The following ABHD12 variants were observed in gnomAD, a reference collection of about 807,000 sequenced individuals.
The protein encoded by ABHD12 is lysophosphatidylserine lipase ABHD12.
ABHD12 carries 43 observed loss-of-function variants against 58.3 expected under a neutral mutation model. That is an observed-to-expected ratio of 0.74 (90% CI 0.58 to 0.95). The LOEUF is 0.95. Among genes scored for constraint, ABHD12 ranks in the 40% least tolerant of loss-of-function variants. The probability of loss-of-function intolerance (pLI) is 0.00; values close to 1 mark genes in which losing one functional copy is unlikely to be tolerated. For synonymous variants in ABHD12, 219 were observed against 211.2 expected, an observed-to-expected ratio of 1.04 and a Z score of -0.32; for missense variants, 539 against 537.2, an observed-to-expected ratio of 1.00 and a Z score of -0.03.
rs11905092 is a variant in ABHD12 at position 25,370,815 on chromosome 20, T to C, written c.191+19698A>G. On this transcript the variant is annotated intron_variant, in intron 1 of 12. Transcript: ENST00000339157. ...TCTGGTACACAGTTCTCAATCAATG[T>C]TATTTTTATTAATTCTTCTTGTGCC... is the stretch of plus-strand genomic sequence containing the variant. Among the ~76,000 whole-genome samples, 906 of 152,138 alleles carry C rather than the reference T, an allele frequency of 6.0e-3. 10 individuals are homozygous for C. Among genetic ancestry groups the C allele is most frequent in the African/African-American group, 0.021 (867 of 41,512 alleles).
intron 1 of ABHD12, chr20:25,339,824 C>T: frequency 8.6e-7 from 1 of 1,160,438 alleles, no homozygotes. Flanking sequence ...ACAGAACCTG[C>T]CTGACCAGGT....
intron 1 of ABHD12, among the ~76,000 whole-genome samples, chr20:25,351,652 C>T (rs1310599610): frequency 1.3e-5 from 2 of 152,114 alleles, no homozygotes; most frequent in Non-Finnish European, 1.5e-5. Context: ...CACGGTGGTT[C>T]GCCTATAATC....
intron 7 of ABHD12, 115 bp downstream of exon 7, chr20:25,309,331 C>G: frequency 1.3e-6 from 2 of 1,498,798 alleles, no homozygotes; most frequent in South Asian, 1.2e-5. Context: ...CGAGGCTGGT[C>G]GGGACTAATG....
At chr20:25,344,970 C>T (rs2089499423) in intron 1 of ABHD12, among the ~76,000 whole-genome samples, 1 of 152,086 alleles carries the variant, frequency 6.6e-6, no homozygotes, top group African/African-American at 2.4e-5. Context: ...ACCTGATACC[C>T]TTCACAAAAA....
At chr20:25,355,924 T>C (rs548117650) in intron 1 of ABHD12, among the ~76,000 whole-genome samples, 1 of 152,232 alleles carries the variant, frequency 6.6e-6, no homozygotes, top group Non-Finnish European at 1.5e-5. Flanking sequence ...TCATTTATAT[T>C]TCAGGAGGCT....
At chr20:25,323,655 G>T (rs2089122254) in intron 2 of ABHD12, among the ~76,000 whole-genome samples, 1 of 152,224 alleles carries the variant, frequency 6.6e-6, no homozygotes, top group African/African-American at 2.4e-5. Flanking sequence ...CTCAGGCAGG[G>T]TATGGGCTGA....
rs1180061877 is a variant in ABHD12 at position 25,309,655 on chromosome 20, C to T, written c.620-80G>A. On this transcript the variant is annotated intron_variant, in intron 6 of 12. Transcript: ENST00000339157. Reference sequence around the variant, plus strand: ...ACAAACACACCTCCCCAAGGGGGCCCAGGGCCAGGAGGAGACAGGGAGGGG... The same window carrying T: ...ACAAACACACCTCCCCAAGGGGGCCTAGGGCCAGGAGGAGACAGGGAGGGG... 1.9e-6 allele frequency: 3 copies of T among 1,595,718 alleles called. No homozygotes were observed. The Admixed American group carries it at 5.0e-5, about 27-fold the overall frequency.
intron 1 of ABHD12, among the ~76,000 whole-genome samples, chr20:25,351,009 A>ACC (rs1555819702): frequency 1.8e-4 from 23 of 130,546 alleles, no homozygotes; most frequent in East Asian, 1.1e-3. Context: ...ACACACACAC[A>ACC]CCCTTATTAA....
At chr20:25,339,642 G>A (rs1447061391) in intron 1 of ABHD12, 1 of 1,410,306 alleles carries the variant, frequency 7.1e-7, no homozygotes, top group African/African-American at 1.4e-5. Context: ...GAATACAGCA[G>A]AGAAAGCAGA....
At chr20:25,314,656 G>A (rs1483195195) in intron 6 of ABHD12, among the ~76,000 whole-genome samples, 1 of 151,652 alleles carries the variant, frequency 6.6e-6, no homozygotes, top group Admixed American at 6.6e-5. Context: ...TCCAGGTTGG[G>A]TGACAAAGTG....
intron 1 of ABHD12, among the ~76,000 whole-genome samples, chr20:25,378,881 C>G (rs561111846): frequency 6.6e-6 from 1 of 152,236 alleles, no homozygotes; most frequent in Admixed American, 6.5e-5. Flanking sequence ...CCCATCTGCC[C>G]TCTGCTCTCA....
chr20:25,364,683 C>T (rs1297170589), intron 1 of ABHD12, among the ~76,000 whole-genome samples: 1 of 152,208 alleles, frequency 6.6e-6, no homozygotes, highest in Non-Finnish European at 1.5e-5. Context: ...TTTCCTGTTC[C>T]CAAAACATAC....
At position 25,371,235 on chromosome 20, in the gene ABHD12, C is replaced by T. The variant is rs557836042; in HGVS notation, c.191+19278G>A. On this transcript the variant is annotated intron_variant, in intron 1 of 12. Coordinates refer to ENST00000339157, the MANE Select transcript of ABHD12 (RefSeq NM_001042472.3). Reference sequence around the variant, plus strand: ...GGAGTGTCTATGTCCCCTCTCGTCCCCATGGGCAATGCCTACATTGGGGTG... The same window carrying T: ...GGAGTGTCTATGTCCCCTCTCGTCCTCATGGGCAATGCCTACATTGGGGTG... Among the ~76,000 whole-genome samples, 5 of 152,266 alleles carry T rather than the reference C, an allele frequency of 3.3e-5. No individual in the cohort carries two copies. In the East Asian group the frequency reaches 9.6e-4, roughly 29 times the overall value.
rs147169122 is a variant in ABHD12, at chr20:25,368,639, T to G, written c.191+21874A>C. On this transcript the variant is annotated intron_variant, in intron 1 of 12. Coordinates refer to ENST00000339157, the MANE Select transcript of ABHD12 (RefSeq NM_001042472.3). ...CGGAAACCCTTAAAACCAAATCCTT[T>G]CTCGCCAGTGCTCAGAGCATGAAAG... The G allele has an allele frequency of 5.8e-5, 80 of 1,375,618 alleles. 1 individual carries two copies. The African/African-American group carries it at 9.3e-4, about 16-fold the overall frequency. The allele number at this position is 1,375,618 out of a possible 1,614,324, so 85.2% of individuals were successfully genotyped here.
At chr20:25,316,131 TAGCACCTGG>T (rs1298231662) in intron 5 of ABHD12, among the ~76,000 whole-genome samples, 1 of 151,886 alleles carries the variant, frequency 6.6e-6, no homozygotes, top group East Asian at 1.9e-4. Context: ...GCAGTCAGTG[TAGCACCTGG>T]AGCACCTGGT....
intron 6 of ABHD12, among the ~76,000 whole-genome samples, chr20:25,313,808 C>CCAAAAT (rs2088909615): frequency 6.7e-6 from 1 of 148,830 alleles, no homozygotes. Flanking sequence ...AAAACCAAAA[C>CCAAAAT]AAACCAGTCG....
chr20:25,390,642 G>A lies in ABHD12; in HGVS notation c.62C>T (p.Ser21Phe), dbSNP rs773035473. 49 of 1,449,086 alleles carry A rather than the reference G, an allele frequency of 3.4e-5. 1 individual carries two copies. The highest frequency in any genetic ancestry group is 4.6e-4 in the Middle Eastern group (2 of 4,328). The allele number at this position is 1,449,086 out of a possible 1,614,324, so 89.8% of individuals were successfully genotyped here. The change falls in exon 1 of 13, where the codon TCC becomes TTC. Residue 21 changes from serine to phenylalanine, a missense_variant. Coordinates refer to ENST00000339157, the MANE Select transcript of ABHD12 (RefSeq NM_001042472.3). ...EHERCAAAGS[S>F]SSGSAAAALD... is the part of the protein sequence containing the mutation. ...CGCCGCGGCGGCCGAGCCGGAGGAG[G>A]ACGAGCCCGCGGCGGCGCAGCGCTC...
intron 1 of ABHD12, among the ~76,000 whole-genome samples, chr20:25,381,935 G>C (rs2090027537): frequency 6.6e-6 from 1 of 152,138 alleles, no homozygotes; most frequent in Non-Finnish European, 1.5e-5. Context: ...TGGGATTACA[G>C]GCATGAGCCA....
At chr20:25,339,011 G>A (rs1258070718) in intron 2 of ABHD12, 1 of 1,329,662 alleles carries the variant, frequency 7.5e-7, no homozygotes. Flanking sequence ...GGACCTTTTT[G>A]GGTAATAAAA....
Sources: allele counts gnomAD v4.1 joint callset (sites outside exome capture counted in the v4.1 genomes callset), GRCh38; gene constraint gnomAD v4.1.1; transcripts MANE v1.5; gene names NCBI Gene and HGNC (gene_info 2026-07-23, HGNC 2026-07-21).